The following SMAP1 variants were observed in gnomAD, a reference collection of about 807,000 sequenced individuals.
SMAP1 encodes the protein small ArfGAP 1.
SMAP1 carries 24 observed loss-of-function variants against 58.5 expected under a neutral mutation model. The observed-to-expected ratio is 0.41, with a 90% confidence interval of 0.30 to 0.58. The LOEUF (loss-of-function observed/expected upper bound fraction) is 0.58, where lower values mean the gene tolerates loss of function less well. Ranked by LOEUF, SMAP1 falls within the 20% of genes least tolerant of loss-of-function variation. SMAP1 has a pLI of 0.29. For missense variants in SMAP1, 563 were observed against 566.3 expected (o/e 0.99, Z 0.06); for synonymous variants, 216 against 196.6 (o/e 1.10, Z -0.82).
At chr6:70,827,578 C>T (rs1230287136) in intron 6 of SMAP1, among the ~76,000 whole-genome samples, 3 of 152,076 alleles carry the variant, frequency 2.0e-5, no homozygotes, top group Middle Eastern at 3.2e-3. Context: ...TTGTAATTAT[C>T]CAAATGTAAA....
At chr6:70,783,458 C>T (rs1174146306) in intron 4 of SMAP1, among the ~76,000 whole-genome samples, 1 of 152,190 alleles carries the variant, frequency 6.6e-6, no homozygotes, top group African/African-American at 2.4e-5. Flanking sequence ...CAGAGAATGA[C>T]TCTGACGAGT....
At chr6:70,792,576 G>T (rs976677296) in intron 5 of SMAP1, among the ~76,000 whole-genome samples, 1 of 151,964 alleles carries the variant, frequency 6.6e-6, no homozygotes, top group Non-Finnish European at 1.5e-5. Flanking sequence ...ACTGCAGGAG[G>T]CATCATTTTG....
chr6:70,845,950 A>G (rs1209042010), intron 7 of SMAP1, among the ~76,000 whole-genome samples: 1 of 152,208 alleles, frequency 6.6e-6, no homozygotes, highest in Non-Finnish European at 1.5e-5. Flanking sequence ...AGCAGTTGTA[A>G]TCTCATAGGC....
chr6:70,833,964 T>C (rs962281779), intron 6 of SMAP1, among the ~76,000 whole-genome samples: 2 of 152,250 alleles, frequency 1.3e-5, no homozygotes, highest in Admixed American at 6.5e-5. Context: ...TGAAAATGGT[T>C]GATGACTACC....
intron 1 of SMAP1, among the ~76,000 whole-genome samples, chr6:70,726,876 T>G (rs762431881): frequency 0.036 from 605 of 16,652 alleles, 4 homozygotes; most frequent in Middle Eastern, 0.11. Context: ...ATTTTAGGGG[T>G]GTGTGTGTGT....
chr6:70,768,566 A>C (rs377231295), intron 3 of SMAP1, among the ~76,000 whole-genome samples: 1 of 152,070 alleles, frequency 6.6e-6, no homozygotes, highest in East Asian at 1.9e-4. Flanking sequence ...CTCTGATGGT[A>C]GTTTGTATTT....
chr6:70,843,154 T>C (rs1278702854), intron 7 of SMAP1, among the ~76,000 whole-genome samples: 34 of 125,962 alleles, frequency 2.7e-4, no homozygotes, highest in South Asian at 5.5e-4. Context: ...CCACACACAC[T>C]CCCCCCCCCC....
At chr6:70,860,026 G>C in intron 10 of SMAP1, 174 bp from the exon 11 acceptor site, 1 of 602,484 alleles carries the variant, frequency 1.7e-6, no homozygotes. Context: ...AGTAGATAAA[G>C]AAGGGAACAA....
At chr6:70,767,314 T>G (rs1011461376) in intron 3 of SMAP1, among the ~76,000 whole-genome samples, 46 of 152,182 alleles carry the variant, frequency 3.0e-4, no homozygotes, top group African/African-American at 1.1e-3. Flanking sequence ...GGGGATGGCA[T>G]TGAATCTATA....
rs563424220 is a variant in SMAP1, at chr6:70,777,383, T to G, written c.414+3958T>G. Among the ~76,000 whole-genome samples, 3 of 152,342 alleles carry G rather than the reference T, an allele frequency of 2.0e-5. No individual in the cohort carries two copies. The East Asian group carries it at 5.8e-4, about 29-fold the overall frequency. On this transcript the variant is annotated intron_variant, in intron 4 of 10. Transcript: ENST00000370455. ...TCTCTGATGATTATTGATTTGACCT[T>G]TTTTATGTACTTGTTGGCCATTTTT...
chr6:70,726,825 C>A (rs536516457), intron 1 of SMAP1, among the ~76,000 whole-genome samples: 1 of 151,032 alleles, frequency 6.6e-6, no homozygotes, highest in South Asian at 2.1e-4. Context: ...TTAAAACTGT[C>A]ATTTTTATCT....
chr6:70,859,424 G>A (rs1191689079), intron 10 of SMAP1: 48 of 1,523,940 alleles, frequency 3.1e-5, no homozygotes, highest in Non-Finnish European at 4.2e-5. Context: ...TAGGTATGAA[G>A]ACGTGATCTG....
At chr6:70,740,370 C>G (rs1765764136) in intron 2 of SMAP1, among the ~76,000 whole-genome samples, 1 of 151,820 alleles carries the variant, frequency 6.6e-6, no homozygotes. Flanking sequence ...ACCAGCCTGG[C>G]CAATATGGCA....
chr6:70,789,259 C>T (rs972675173), intron 4 of SMAP1, among the ~76,000 whole-genome samples: 3 of 152,004 alleles, frequency 2.0e-5, no homozygotes, highest in African/African-American at 4.8e-5. Flanking sequence ...AAATACATAT[C>T]GCTGTGTAAC....
At chr6:70,830,256 C>A (rs1327615469) in intron 6 of SMAP1, among the ~76,000 whole-genome samples, 3 of 152,158 alleles carry the variant, frequency 2.0e-5, no homozygotes, top group African/African-American at 7.2e-5. Flanking sequence ...TGGAGTGAGT[C>A]TGTATCTGTT....
chr6:70,757,008 G>GA (rs1246092394), intron 3 of SMAP1, among the ~76,000 whole-genome samples: 1 of 152,038 alleles, frequency 6.6e-6, no homozygotes, highest in Admixed American at 6.6e-5. Context: ...CACAGAATTG[G>GA]AAAAAACTAC....
At chr6:70,710,493 C>CAAAAAA (rs35171922) in intron 1 of SMAP1, among the ~76,000 whole-genome samples, 3 of 75,296 alleles carry the variant, frequency 4.0e-5, no homozygotes, top group Admixed American at 1.7e-4. Context: ...ACTCCCATCT[C>CAAAAAA]AAAAAAAAAA....
chr6:70,810,062 G>GTA (rs1171769802), intron 6 of SMAP1, among the ~76,000 whole-genome samples: 2 of 152,154 alleles, frequency 1.3e-5, no homozygotes, highest in African/African-American at 4.8e-5. Flanking sequence ...TTACAGTGTA[G>GTA]TACCCCTCAG....
intron 7 of SMAP1, among the ~76,000 whole-genome samples, chr6:70,840,577 G>A (rs545057807): frequency 2.0e-5 from 3 of 152,112 alleles, no homozygotes; most frequent in African/African-American, 7.2e-5. Flanking sequence ...CTTGTGTTCC[G>A]ATCATGCTTG....
Sources: allele counts gnomAD v4.1 joint callset (sites outside exome capture counted in the v4.1 genomes callset), GRCh38; gene constraint gnomAD v4.1.1; transcripts MANE v1.5; gene names NCBI Gene and HGNC (gene_info 2026-07-23, HGNC 2026-07-21).